The following COPZ1 variants were observed in gnomAD, a reference collection of about 807,000 sequenced individuals.
COPZ1 encodes coat protein complex I subunit zeta 1.
A neutral mutation model predicts 31.7 loss-of-function variants in COPZ1; 4 were observed. The ratio of observed to expected loss-of-function variants is 0.13; its 90% CI spans 0.06 to 0.29. The LOEUF is 0.29. Ranked by LOEUF, COPZ1 falls within the 10% of genes least tolerant of loss-of-function variation. COPZ1 has a pLI of 1.00. For missense variants in COPZ1, 156 were observed against 211.5 expected, an observed-to-expected ratio of 0.74 and a Z score of 1.63; for synonymous variants, 74 against 79.0, an observed-to-expected ratio of 0.94 and a Z score of 0.33.
intron 5 of COPZ1, among the ~76,000 whole-genome samples, chr12:54,346,393 G>A (rs997352223): frequency 1.3e-5 from 2 of 150,804 alleles, no homozygotes; most frequent in Non-Finnish European, 3.0e-5. Context: ...TCAGCCTCCC[G>A]AGTAGAGTAG....
rs189619427 is a variant in COPZ1, at chr12:54,327,678, C to T, written c.18+2497C>T. ...CTGTAAGAGGCTGAGGCAGGAGGATCGCTTGAGCCTGGGAGTTTGAGGCTG... is the reference window on the plus strand; with the variant it reads ...CTGTAAGAGGCTGAGGCAGGAGGATTGCTTGAGCCTGGGAGTTTGAGGCTG... On this transcript the variant is annotated intron_variant, in intron 1 of 8. Transcript: ENST00000262061. Among the ~76,000 whole-genome samples the T allele has an allele frequency of 2.3e-3, 353 of 151,962 alleles. 4 individuals are homozygous for T. The highest frequency in any genetic ancestry group is 7.7e-3 in the African/African-American group (321 of 41,440).
At chr12:54,340,961 A>G (rs1165090324) in intron 2 of COPZ1, among the ~76,000 whole-genome samples, 2 of 152,070 alleles carry the variant, frequency 1.3e-5, no homozygotes, top group African/African-American at 4.8e-5. Context: ...GGCCTCCCAA[A>G]GTGTTGGGAT....
At position 54,325,136 on chromosome 12, in the gene COPZ1, T is replaced by TC. The variant is rs1565586113; in HGVS notation, c.-26dup. Reference sequence around the variant, plus strand: ...TCAGCGGCGGCGTTTCTTTTGCGGCTCCACGTCGGCACCAGCTGCGGGGCA... The same window carrying TC: ...TCAGCGGCGGCGTTTCTTTTGCGGCTCCCACGTCGGCACCAGCTGCGGGGCA... On this transcript the variant is annotated 5_prime_UTR_variant, in exon 1 of 9. Transcript: ENST00000262061. 6.4e-7 allele frequency: 1 copy of TC among 1,560,306 alleles called. No individual in the cohort carries two copies. The highest frequency in any genetic ancestry group is 8.7e-7 in the Non-Finnish European group (1 of 1,152,616).
intron 1 of COPZ1, among the ~76,000 whole-genome samples, chr12:54,335,395 G>C (rs1219461197): frequency 2.6e-5 from 4 of 151,034 alleles, no homozygotes; most frequent in African/African-American, 9.7e-5. Context: ...GGCCCTTTTG[G>C]TATGGCCTTA....
chr12:54,332,054 G>A (rs1239680151), intron 1 of COPZ1, among the ~76,000 whole-genome samples: 2 of 152,296 alleles, frequency 1.3e-5, no homozygotes. Context: ...GGCCGGGCGC[G>A]GTGGCTCACG....
At chr12:54,335,181 CAAAAA>C (rs556631294) in intron 1 of COPZ1, among the ~76,000 whole-genome samples, 1 of 88,646 alleles carries the variant, frequency 1.1e-5, no homozygotes, top group Non-Finnish European at 2.4e-5. Flanking sequence ...GAAACTCTGT[CAAAAA>C]AAAAAAAAAA....
Position 54,325,142 on chromosome 12 carries a change from T to C in COPZ1, c.-22T>C. The C allele has an allele frequency of 6.4e-7, 1 of 1,561,564 alleles. No homozygotes were observed. The highest frequency in any genetic ancestry group is 8.7e-7 in the Non-Finnish European group (1 of 1,153,274). On this transcript the variant is annotated 5_prime_UTR_variant, in exon 1 of 9. Transcript: ENST00000262061. ...GCGGCGTTTCTTTTGCGGCTCCACGTCGGCACCAGCTGCGGGGCAAGATGG... is the reference window on the plus strand; with the variant it reads ...GCGGCGTTTCTTTTGCGGCTCCACGCCGGCACCAGCTGCGGGGCAAGATGG...
At chr12:54,335,353 AC>A (rs1385803154) in intron 1 of COPZ1, among the ~76,000 whole-genome samples, 2 of 151,382 alleles carry the variant, frequency 1.3e-5, no homozygotes, top group African/African-American at 4.9e-5. Flanking sequence ...ATTCACCAAG[AC>A]CCATTGCCAC....
intron 1 of COPZ1, among the ~76,000 whole-genome samples, chr12:54,335,873 T>C (rs986148240): frequency 3.3e-5 from 5 of 151,888 alleles, no homozygotes; most frequent in African/African-American, 1.2e-4. Flanking sequence ...AGAGACAGGG[T>C]CTCACTGTGT....
At chr12:54,330,452 C>T (rs1347641623) in intron 1 of COPZ1, among the ~76,000 whole-genome samples, 2 of 152,194 alleles carry the variant, frequency 1.3e-5, no homozygotes, top group African/African-American at 4.8e-5. Flanking sequence ...TATAGATTTC[C>T]GACGTATTTA....
At position 54,350,782 on chromosome 12, in the gene COPZ1, G is replaced by T; in HGVS notation, c.*259G>T. 1.8e-6 allele frequency: 1 copy of T among 551,718 alleles called. No individual in the cohort carries two copies. The highest frequency in any genetic ancestry group is 3.3e-6 in the Non-Finnish European group (1 of 305,970). The allele number at this position is 551,718 out of a possible 1,614,324, so 34.2% of individuals were successfully genotyped here. A position where few individuals can be genotyped will look rare whatever the true frequency, so the allele number is the denominator to read the frequency against. ...AGGGGAAGCACCCTCTTTCTTTCTA[G>T]ACTGGATTATGCTCACATGCTCCCT... On this transcript the variant is annotated 3_prime_UTR_variant, in exon 9 of 9. Coordinates refer to ENST00000262061, the MANE Select transcript of COPZ1 (RefSeq NM_016057.3).
chr12:54,348,741 AAAAT>A (rs1350453276), intron 7 of COPZ1, among the ~76,000 whole-genome samples: 3 of 152,128 alleles, frequency 2.0e-5, no homozygotes, highest in African/African-American at 7.2e-5. Flanking sequence ...TGTCTCAAAA[AAAAT>A]AAATAAATAA....
chr12:54,347,644 A>G (rs764758213), intron 5 of COPZ1, 123 bp from the exon 6 acceptor site: 10 of 794,902 alleles, frequency 1.3e-5, no homozygotes, highest in Non-Finnish European at 1.8e-5. Flanking sequence ...CACCTTATTT[A>G]CTTCTTTGTG....
chr12:54,339,166 C>T (rs760677428), intron 1 of COPZ1, among the ~76,000 whole-genome samples: 1 of 151,188 alleles, frequency 6.6e-6, no homozygotes, highest in Non-Finnish European at 1.5e-5. Flanking sequence ...CGCAGTGGCT[C>T]ACACTTGCAC....
intron 1 of COPZ1, among the ~76,000 whole-genome samples, chr12:54,338,474 A>G (rs1953911660): frequency 6.6e-6 from 1 of 152,286 alleles, no homozygotes; most frequent in African/African-American, 2.4e-5. Context: ...GGAGTTACTC[A>G]TGCCTTGTTT....
chr12:54,325,308 C>T (rs564124646), intron 1 of COPZ1, 127 bp downstream of exon 1: 24 of 1,262,342 alleles, frequency 1.9e-5, no homozygotes, highest in Middle Eastern at 2.8e-4. Flanking sequence ...TTCTGCTGAC[C>T]TTTGGAATAA....
chr12:54,336,645 T>A (rs1953871043), intron 1 of COPZ1, among the ~76,000 whole-genome samples: 1 of 151,294 alleles, frequency 6.6e-6, no homozygotes, highest in African/African-American at 2.4e-5. Flanking sequence ...GGGGCAGCAC[T>A]AGGAATGACT....
In COPZ1 at chr12:54,350,844, G is replaced by C. The variant is rs1565599061; in HGVS notation, c.*321G>C. ...TTTTGTAAATTCTGTGCCCTTTGCTGTAGCTACACTTCAGATTAAAGTAGG... is the reference window on the plus strand; with the variant it reads ...TTTTGTAAATTCTGTGCCCTTTGCTCTAGCTACACTTCAGATTAAAGTAGG... On this transcript the variant is annotated 3_prime_UTR_variant, in exon 9 of 9. Coordinates refer to ENST00000262061, the MANE Select transcript of COPZ1 (RefSeq NM_016057.3). 2 of 382,790 alleles carry C rather than the reference G, an allele frequency of 5.2e-6. No individual in the cohort carries two copies. The highest frequency in any genetic ancestry group is 4.9e-6 in the Non-Finnish European group (1 of 205,068). 23.7% of individuals were successfully genotyped at this position (382,790 alleles called of 1,614,324 possible).
chr12:54,341,670 C>T (rs574125663), intron 2 of COPZ1, among the ~76,000 whole-genome samples: 40 of 152,186 alleles, frequency 2.6e-4, no homozygotes, highest in Non-Finnish European at 5.1e-4. Context: ...TGGGAATGGG[C>T]TCAGTGGTAT....
Sources: gnomAD v4.1 joint callset for allele counts (sites outside exome capture counted in the v4.1 genomes callset) on GRCh38, gnomAD v4.1.1 for gene constraint, MANE v1.5 for transcripts, NCBI Gene and HGNC (gene_info 2026-07-23, HGNC 2026-07-21) for gene names.